Variants in UTP20 observed in about 807,000 individuals in gnomAD.
UTP20 encodes small subunit processome component 20 homolog.
A neutral mutation model predicts 329.5 loss-of-function variants in UTP20; 164 were observed. That is an observed-to-expected ratio of 0.50 (90% CI 0.44 to 0.57). The LOEUF (loss-of-function observed/expected upper bound fraction) is 0.57. Ranked by LOEUF, UTP20 falls within the 20% of genes least tolerant of loss-of-function variation. The pLI is 0.00. For missense variants in UTP20, 3,055 were observed against 3,284.2 expected, an observed-to-expected ratio of 0.93 and a Z score of 1.71; for synonymous variants, 1,151 against 1,159.3, an observed-to-expected ratio of 0.99 and a Z score of 0.14.
At chr12:101,303,535 C>T (rs1328089754) in intron 15 of UTP20, among the ~76,000 whole-genome samples, 2 of 152,118 alleles carry the variant, frequency 1.3e-5, no homozygotes, top group Non-Finnish European at 2.9e-5. Context: ...GACCTGGAGG[C>T]GACATGAATG....
At chr12:101,320,716 G>A (rs1329376398) in intron 23 of UTP20, 136 bp from the exon 24 acceptor site, 6 of 560,166 alleles carry the variant, frequency 1.1e-5, no homozygotes, top group Non-Finnish European at 1.7e-5. Context: ...TGAAGCTGTT[G>A]TTAGCAATCA....
chr12:101,363,542 C>T, intron 44 of UTP20, 34 bp from the exon 45 acceptor site: 1 of 1,593,730 alleles, frequency 6.3e-7, no homozygotes, highest in Non-Finnish European at 8.6e-7. Context: ...TTGCTGAGTG[C>T]ATATAATTGC....
intron 21 of UTP20, among the ~76,000 whole-genome samples, chr12:101,315,532 G>A (rs957699409): frequency 2.6e-5 from 4 of 151,968 alleles, no homozygotes; most frequent in Admixed American, 2.6e-4. Context: ...AGAGGAGATG[G>A]ATACAGTACA....
At chr12:101,352,362 G>A (rs145860578) in intron 39 of UTP20, among the ~76,000 whole-genome samples, 168 bp downstream of exon 39, 3 of 152,184 alleles carry the variant, frequency 2.0e-5, no homozygotes, top group East Asian at 1.9e-4. Context: ...ATAAACATAC[G>A]TGTGCATGTG....
chr12:101,356,459 C>A, intron 41 of UTP20, 95 bp from the exon 42 acceptor site: 2 of 1,133,286 alleles, frequency 1.8e-6, no homozygotes, highest in South Asian at 1.7e-5. Context: ...ATCCATCCTT[C>A]TAGAAAAACT....
chr12:101,299,280 A>G (rs1432628791), intron 12 of UTP20, among the ~76,000 whole-genome samples: 1 of 152,220 alleles, frequency 6.6e-6, no homozygotes, highest in Non-Finnish European at 1.5e-5. Context: ...CGTCAACTTC[A>G]TCACAGTAAC....
chr12:101,344,430 G>C (rs1869251236), intron 35 of UTP20, among the ~76,000 whole-genome samples, 165 bp from the exon 36 acceptor site: 1 of 152,160 alleles, frequency 6.6e-6, no homozygotes, highest in Non-Finnish European at 1.5e-5. Flanking sequence ...ATTCCTCACA[G>C]AACATTTGGT....
chr12:101,311,643 CT>C (rs555196517), intron 19 of UTP20, 75 bp from the exon 20 acceptor site: 47,983 of 955,310 alleles, frequency 0.05, 1 homozygote, highest in Non-Finnish European at 0.055. Flanking sequence ...TCCTTTCACT[CT>C]TTTTTTTTTT....
chr12:101,367,073 AG>A (rs1870118072), intron 47 of UTP20, among the ~76,000 whole-genome samples: 1 of 151,988 alleles, frequency 6.6e-6, no homozygotes, highest in Non-Finnish European at 1.5e-5. Flanking sequence ...TGAGGAGAGG[AG>A]TCTGAAACCA....
Position 101,366,468 on chromosome 12 carries a change from G to T in UTP20, c.6126-90G>T, listed in dbSNP as rs1013561536. ...GCAAATGGCACATTATTTAGTGCTG[G>T]GCTCTCGTCACTTTAGAAGGGCCAC... is the stretch of plus-strand genomic sequence containing the variant. On this transcript the variant is annotated intron_variant, in intron 46 of 61. Coordinates refer to ENST00000261637, the MANE Select transcript of UTP20 (RefSeq NM_014503.3). The T allele has an allele frequency of 7.4e-6, 11 of 1,483,788 alleles. No homozygotes were observed. In the East Asian group the frequency reaches 2.1e-4, roughly 28 times the overall value. 91.9% of individuals were successfully genotyped at this position (1,483,788 alleles called of 1,614,324 possible). A position where few individuals can be genotyped will look rare whatever the true frequency, so the allele number is the denominator to read the frequency against.
chr12:101,336,212 CAA>C (rs1312324404), intron 29 of UTP20, among the ~76,000 whole-genome samples: 1 of 152,078 alleles, frequency 6.6e-6, no homozygotes, highest in Non-Finnish European at 1.5e-5. Context: ...ATCCACATAA[CAA>C]TAGATATGCA....
chr12:101,311,662 G>C, intron 19 of UTP20, 57 bp from the exon 20 acceptor site: 1 of 1,416,418 alleles, frequency 7.1e-7, no homozygotes, highest in Non-Finnish European at 9.6e-7. Flanking sequence ...TTTTCTATGA[G>C]CAATCTTAAA....
intron 26 of UTP20, among the ~76,000 whole-genome samples, chr12:101,328,515 A>G (rs7314205): frequency 0.56 from 85,520 of 152,056 alleles, 26,960 homozygotes; most frequent in East Asian, 0.94. Flanking sequence ...TACTTCTAGT[A>G]AAACTGCCAA....
chr12:101,374,385 C>T (rs779383140), intron 54 of UTP20, among the ~76,000 whole-genome samples: 3 of 152,132 alleles, frequency 2.0e-5, no homozygotes, highest in South Asian at 2.1e-4. Flanking sequence ...TTTGCATATT[C>T]GATTACTGAA....
At position 101,312,227 on chromosome 12, in the gene UTP20, G is replaced by C; in HGVS notation, c.2503G>C (p.Val835Leu). 1 of 1,614,220 alleles carries C rather than the reference G, an allele frequency of 6.2e-7. No homozygotes were observed. Among genetic ancestry groups the C allele is most frequent in the South Asian group, 1.1e-5 (1 of 91,080 alleles). The change falls in exon 21 of 62, where the codon GTA becomes CTA. Residue 835 changes from valine (V) to leucine (L), a missense_variant. Physicochemically the swap from Val to Leu is conservative, Grantham distance 32 (BLOSUM62 1). Around this residue, in one of 3 missense-constraint regions of UTP20, gnomAD observed 2,445 missense variants for 2,575.5 expected, o/e 0.95. Coordinates refer to ENST00000261637, the MANE Select transcript of UTP20 (RefSeq NM_014503.3). ...WRALTKFPER[V>L]EPRSRELSPL... ...AGCTCTGACCAAATTCCCAGAAAGA[G>C]TAGAGCCACGGTCCAGGGAGCTTTC...
intron 17 of UTP20, among the ~76,000 whole-genome samples, chr12:101,307,504 G>C (rs1488490872): frequency 6.6e-6 from 1 of 152,068 alleles, no homozygotes; most frequent in Middle Eastern, 3.2e-3. Context: ...ATCCTTCTGA[G>C]TAGCTGAGAT....
intron 28 of UTP20, among the ~76,000 whole-genome samples, chr12:101,333,909 C>T (rs1868846120): frequency 6.6e-6 from 1 of 152,234 alleles, no homozygotes; most frequent in Non-Finnish European, 1.5e-5. Flanking sequence ...GGTGATCCGC[C>T]TGCCTTGGCC....
At chr12:101,286,281 A>C in intron 4 of UTP20, 40 bp from the exon 5 acceptor site, 2 of 1,513,316 alleles carry the variant, frequency 1.3e-6, no homozygotes, top group Non-Finnish European at 1.8e-6. Flanking sequence ...TAGCCTTTTA[A>C]AAAAATCCAC....
chr12:101,375,477 C>T (rs1230250974), intron 55 of UTP20, 147 bp from the exon 56 acceptor site: 5 of 734,086 alleles, frequency 6.8e-6, no homozygotes, highest in African/African-American at 1.8e-5. Flanking sequence ...CACATGGCAG[C>T]CCCCACAGGA....
Sources: allele counts gnomAD v4.1 joint callset (sites outside exome capture counted in the v4.1 genomes callset), GRCh38; gene constraint gnomAD v4.1.1; regional missense constraint gnomAD v4.1.1; transcripts MANE v1.5; gene names NCBI Gene and HGNC (gene_info 2026-07-23, HGNC 2026-07-21).